PLCXD3: variants seen among roughly 807,000 people sequenced by gnomAD.
PLCXD3 encodes phosphatidylinositol specific phospholipase C X domain containing 3.
Under a neutral mutation model 25.5 loss-of-function variants are expected in PLCXD3, and 19 were observed. The ratio of observed to expected loss-of-function variants is 0.75; its 90% CI spans 0.52 to 1.09. The LOEUF (loss-of-function observed/expected upper bound fraction) is 1.09. PLCXD3 is among the 50% of genes least tolerant of loss of function. The pLI is 0.00. For synonymous variants in PLCXD3, 174 were observed against 137.6 expected, an observed-to-expected ratio of 1.26 and a Z score of -1.85; for missense variants, 411 against 388.1, an observed-to-expected ratio of 1.06 and a Z score of -0.50.
chr5:41,457,423 T>C (rs1747777584), intron 1 of PLCXD3, among the ~76,000 whole-genome samples: 1 of 151,926 alleles, frequency 6.6e-6, no homozygotes, highest in Non-Finnish European at 1.5e-5. Context: ...GGCATGTCAC[T>C]GAAAGAAACA....
At chr5:41,393,720 C>A (rs1044593618) in intron 1 of PLCXD3, among the ~76,000 whole-genome samples, 4 of 151,836 alleles carry the variant, frequency 2.6e-5, no homozygotes, top group Non-Finnish European at 4.4e-5. Context: ...GAGATCGAGA[C>A]CATCCTGGCT....
At chr5:41,375,390 C>A (rs1224189610) in intron 2 of PLCXD3, among the ~76,000 whole-genome samples, 1 of 152,068 alleles carries the variant, frequency 6.6e-6, no homozygotes, top group Non-Finnish European at 1.5e-5. Context: ...TGGCCTTATC[C>A]CTCTCTGGGG....
At chr5:41,470,548 A>G (rs1405670610) in intron 1 of PLCXD3, among the ~76,000 whole-genome samples, 2 of 152,090 alleles carry the variant, frequency 1.3e-5, no homozygotes, top group Non-Finnish European at 2.9e-5. Context: ...CTGAAAGGAG[A>G]ACTAAGGTTT....
At chr5:41,403,398 G>GTTTTTTTTTTTTTTTTTTTTGTTTTTT (rs764950342) in intron 1 of PLCXD3, among the ~76,000 whole-genome samples, 2 of 33,998 alleles carry the variant, frequency 5.9e-5, no homozygotes, top group Admixed American at 2.8e-4. Context: ...TGACTTATTT[G>GTTTTTTTTTTTTTTTTTTTTGTTTTTT]TTGTTTTTTT....
At chr5:41,445,430 G>A (rs1747472202) in intron 1 of PLCXD3, among the ~76,000 whole-genome samples, 1 of 152,180 alleles carries the variant, frequency 6.6e-6, no homozygotes, top group Non-Finnish European at 1.5e-5. Flanking sequence ...TCAAAAGCAT[G>A]ACAGTATTTC....
chr5:41,334,519 T>C (rs1743924462), intron 2 of PLCXD3, among the ~76,000 whole-genome samples: 1 of 152,100 alleles, frequency 6.6e-6, no homozygotes, highest in Non-Finnish European at 1.5e-5. Context: ...GTTTTCCAAG[T>C]GGAAAATTCC....
At chr5:41,489,160 T>A (rs1440612502) in intron 1 of PLCXD3, among the ~76,000 whole-genome samples, 1 of 151,920 alleles carries the variant, frequency 6.6e-6, no homozygotes, top group African/African-American at 2.4e-5. Context: ...CTAGCCAGTT[T>A]TCCCAGCACC....
chr5:41,489,043 T>G (rs1471770882), intron 1 of PLCXD3, among the ~76,000 whole-genome samples: 1 of 152,232 alleles, frequency 6.6e-6, no homozygotes, highest in Non-Finnish European at 1.5e-5. Flanking sequence ...GGTTTTCTTC[T>G]AGGGTTTTTA....
chr5:41,379,351 T>C (rs1436127300), intron 2 of PLCXD3, among the ~76,000 whole-genome samples: 4 of 152,026 alleles, frequency 2.6e-5, no homozygotes, highest in Non-Finnish European at 4.4e-5. Flanking sequence ...AAAATAACGT[T>C]TGTAGAAAAT....
chr5:41,435,424 C>T (rs2150509950), intron 1 of PLCXD3, among the ~76,000 whole-genome samples: 1 of 152,254 alleles, frequency 6.6e-6, no homozygotes, highest in East Asian at 1.9e-4. Flanking sequence ...TGTCTGGCTG[C>T]ATTGTGTGAT....
chr5:41,348,889 T>C (rs1744375856), intron 2 of PLCXD3, among the ~76,000 whole-genome samples: 1 of 152,296 alleles, frequency 6.6e-6, no homozygotes, highest in South Asian at 2.1e-4. Context: ...AGGACTGAGC[T>C]CTGGAAAATT....
intron 2 of PLCXD3, among the ~76,000 whole-genome samples, chr5:41,333,082 C>T (rs577097403): frequency 9.5e-4 from 145 of 151,994 alleles, no homozygotes; most frequent in Middle Eastern, 3.4e-3. Flanking sequence ...TACCCTAGAA[C>T]TTAAAGTATA....
chr5:41,366,299 A>G lies in PLCXD3; in HGVS notation c.812+15527T>C, dbSNP rs74416485. 7.9e-3 allele frequency among the ~76,000 whole-genome samples: 1,198 copies of G among 152,332 alleles called. 10 individuals carry two copies. Among genetic ancestry groups the G allele is most frequent in the African/African-American group, 0.026 (1,098 of 41,580 alleles). On this transcript the variant is annotated intron_variant, in intron 2 of 2. Transcript: ENST00000377801. ...ATACAACTTTTGAAACTACAATGCCAAAGAAATCCTTCAAGAAAAGCACTA... is the reference window on the plus strand; with the variant it reads ...ATACAACTTTTGAAACTACAATGCCGAAGAAATCCTTCAAGAAAAGCACTA...
intron 2 of PLCXD3, among the ~76,000 whole-genome samples, chr5:41,333,623 C>T (rs1165880158): frequency 6.6e-6 from 1 of 152,000 alleles, no homozygotes; most frequent in Non-Finnish European, 1.5e-5. Flanking sequence ...GAAAACAGTT[C>T]ATTTAAAAAA....
At chr5:41,315,004 G>T (rs1199806780) in intron 2 of PLCXD3, among the ~76,000 whole-genome samples, 1 of 152,178 alleles carries the variant, frequency 6.6e-6, no homozygotes, top group Non-Finnish European at 1.5e-5. Context: ...CTGGATAAAG[G>T]TGAGAATGGT....
At chr5:41,428,374 GT>G (rs373244601) in intron 1 of PLCXD3, among the ~76,000 whole-genome samples, 1 of 91,600 alleles carries the variant, frequency 1.1e-5, no homozygotes, top group Non-Finnish European at 2.3e-5. Context: ...GTTAAAATGA[GT>G]TTTTTTGTTT....
intron 2 of PLCXD3, among the ~76,000 whole-genome samples, chr5:41,329,378 G>A (rs988516993): frequency 2.0e-5 from 3 of 152,162 alleles, no homozygotes; most frequent in Non-Finnish European, 4.4e-5. Flanking sequence ...GTTGTAGCCT[G>A]GGTGCTTAGC....
intron 1 of PLCXD3, among the ~76,000 whole-genome samples, chr5:41,444,014 C>A (rs1747443521): frequency 6.6e-6 from 1 of 152,118 alleles, no homozygotes; most frequent in Non-Finnish European, 1.5e-5. Context: ...TAGTGAAGTA[C>A]AAATCAATCT....
chr5:41,316,056 C>T (rs1397786259), intron 2 of PLCXD3, among the ~76,000 whole-genome samples: 1 of 152,202 alleles, frequency 6.6e-6, no homozygotes, highest in Non-Finnish European at 1.5e-5. Context: ...CATCACCTCT[C>T]CCCTAAACCC....
Sources: allele counts gnomAD v4.1 joint callset (sites outside exome capture counted in the v4.1 genomes callset), GRCh38; gene constraint gnomAD v4.1.1; transcripts MANE v1.5; gene names NCBI Gene and HGNC (gene_info 2026-07-23, HGNC 2026-07-21).